The following WASF2 variants were observed in gnomAD, a reference collection of about 807,000 sequenced individuals.
The protein encoded by WASF2 is actin-binding protein WASF2.
Under a neutral mutation model 45.0 loss-of-function variants are expected in WASF2, and 14 were observed. The ratio of observed to expected loss-of-function variants is 0.31; its 90% CI spans 0.21 to 0.49. WASF2 has a LOEUF of 0.49. Ranked by LOEUF, WASF2 falls within the 20% of genes least tolerant of loss-of-function variation. WASF2 has a pLI of 0.99. For synonymous variants in WASF2, 200 were observed against 236.3 expected, an observed-to-expected ratio of 0.85 and a Z score of 1.41; for missense variants, 439 against 636.1, an observed-to-expected ratio of 0.69 and a Z score of 3.33.
intron 1 of WASF2, among the ~76,000 whole-genome samples, chr1:27,486,177 C>T (rs77744356): frequency 0.011 from 1,628 of 152,262 alleles, 27 homozygotes; most frequent in African/African-American, 0.035. Flanking sequence ...TATGAACATC[C>T]AGACATTTTA....
chr1:27,489,453 T>TACAC lies in WASF2; in HGVS notation c.-44+529_-44+532dup, dbSNP rs371077805. Among the ~76,000 whole-genome samples, 46 of 17,402 alleles carry TACAC rather than the reference T, an allele frequency of 2.6e-3. 5 individuals are homozygous for TACAC. The highest frequency in any genetic ancestry group is 6.8e-3 in the African/African-American group (20 of 2,934). The allele number at this position is 17,402 out of a possible 152,430, so 11.4% of individuals were successfully genotyped here. A position where few individuals can be genotyped will look rare whatever the true frequency, so the allele number is the denominator to read the frequency against. On this transcript the variant is annotated intron_variant, in intron 1 of 8. Transcript: ENST00000618852. ...AGCACCTCAATTACTTCATGGTACG[T>TACAC]ACACACACACACACACACACACACA... is the stretch of plus-strand genomic sequence containing the variant.
At chr1:27,467,772 C>G (rs982695527) in intron 1 of WASF2, among the ~76,000 whole-genome samples, 1 of 150,936 alleles carries the variant, frequency 6.6e-6, no homozygotes, top group Admixed American at 6.6e-5. Context: ...ACTAGCCAGG[C>G]GTGGTGGCAC....
intron 1 of WASF2, among the ~76,000 whole-genome samples, chr1:27,474,393 C>G (rs1571163013): frequency 6.6e-6 from 1 of 151,976 alleles, no homozygotes; most frequent in African/African-American, 2.4e-5. Context: ...TCTCAGCACT[C>G]TGGGAGGCTG....
In WASF2 at chr1:27,414,221, C is replaced by T. The variant is rs527673936; in HGVS notation, c.668+612G>A. On this transcript the variant is annotated intron_variant, in intron 6 of 8. Transcript: ENST00000618852. This position sits in a 1 kb window ranked among gnomAD's most constrained non-coding sequence, Gnocchi z 4.1. ...AAGCTTTAAAACCATCTTTTTCCCC[C>T]TTTAAACCTCCAGTGTGATTTGGTA... Among the ~76,000 whole-genome samples, 1 of 152,316 alleles carries T rather than the reference C, an allele frequency of 6.6e-6. No individual in the cohort carries two copies. The highest frequency in any genetic ancestry group is 2.1e-4 in the South Asian group (1 of 4,828).
chr1:27,427,880 A>G (rs1252346234), intron 2 of WASF2, among the ~76,000 whole-genome samples: 1 of 152,160 alleles, frequency 6.6e-6, no homozygotes, highest in African/African-American at 2.4e-5. Context: ...TGGGAGCTGG[A>G]GTGGCACTAG....
intron 1 of WASF2, among the ~76,000 whole-genome samples, chr1:27,442,110 TA>T (rs151067960): frequency 0.014 from 1,959 of 144,428 alleles, 23 homozygotes; most frequent in Non-Finnish European, 0.022. Context: ...ACTTCATCTC[TA>T]AAAAAAAAAT....
chr1:27,458,801 T>A (rs966420905), intron 1 of WASF2, among the ~76,000 whole-genome samples: 1 of 150,746 alleles, frequency 6.6e-6, no homozygotes, highest in African/African-American at 2.4e-5. Flanking sequence ...TCAAAAAAAA[T>A]AAAAAATTAA....
At chr1:27,461,555 C>T (rs951826578) in intron 1 of WASF2, among the ~76,000 whole-genome samples, 6 of 151,736 alleles carry the variant, frequency 4.0e-5, no homozygotes, top group Admixed American at 6.6e-5. Flanking sequence ...CTCCGCCTCC[C>T]GGGCTCACTC....
At chr1:27,479,434 T>G (rs1009872518) in intron 1 of WASF2, among the ~76,000 whole-genome samples, 2 of 152,198 alleles carry the variant, frequency 1.3e-5, no homozygotes, top group African/African-American at 4.8e-5. Context: ...TTTTATTATT[T>G]AAAAATTCCA....
chr1:27,487,581 T>A (rs1162258868), intron 1 of WASF2, among the ~76,000 whole-genome samples: 1 of 98,632 alleles, frequency 1.0e-5, no homozygotes, highest in Non-Finnish European at 1.8e-5. Flanking sequence ...TAATATATAT[T>A]ATATATATTT....
intron 1 of WASF2, among the ~76,000 whole-genome samples, chr1:27,488,745 CATTTGTA>C (rs1557627294): frequency 6.6e-6 from 1 of 152,208 alleles, no homozygotes; most frequent in Non-Finnish European, 1.5e-5. Context: ...CCTCTGCCCC[CATTTGTA>C]ACAAGGCAAA....
intron 1 of WASF2, among the ~76,000 whole-genome samples, chr1:27,463,622 C>CAAA (rs998488815): frequency 6.0e-4 from 25 of 41,806 alleles, no homozygotes; most frequent in African/African-American, 1.3e-3. Context: ...GACTCTGTCT[C>CAAA]AAAAAAAAAA....
At position 27,477,856 on chromosome 1, in the gene WASF2, G is replaced by A. The variant is rs1290962517; in HGVS notation, c.-44+12130C>T. 5.1e-5 allele frequency among the ~76,000 whole-genome samples: 5 copies of A among 97,476 alleles called. 1 individual carries two copies. Among genetic ancestry groups the A allele is most frequent in the East Asian group, 4.7e-4 (1 of 2,110 alleles). 63.9% of individuals were successfully genotyped at this position (97,476 alleles called of 152,430 possible). On this transcript the variant is annotated intron_variant, in intron 1 of 8. Coordinates refer to ENST00000618852, the MANE Select transcript of WASF2 (RefSeq NM_006990.5). ...GGAGCTTGCAGTGAGCCGAGATCCC[G>A]CCACTGCACTCCAGCCTGGGCTACA...
chr1:27,432,118 CAAG>C (rs551737056), intron 1 of WASF2, among the ~76,000 whole-genome samples: 11 of 152,006 alleles, frequency 7.2e-5, no homozygotes, highest in Admixed American at 2.6e-4. Context: ...GTAACTTGAC[CAAG>C]AAGAAAAAAA....
At chr1:27,466,980 C>G in intron 1 of WASF2, among the ~76,000 whole-genome samples, 1 of 151,254 alleles carries the variant, frequency 6.6e-6, no homozygotes, top group South Asian at 2.1e-4. Context: ...TTTGGGAGAC[C>G]GGGGCAGGCA....
intron 2 of WASF2, among the ~76,000 whole-genome samples, chr1:27,420,454 C>T (rs2016890397): frequency 6.6e-6 from 1 of 151,272 alleles, no homozygotes; most frequent in African/African-American, 2.4e-5. Flanking sequence ...CATTCCAAGC[C>T]ACAGGCACAT....
At chr1:27,430,931 T>C (rs1018395616) in intron 1 of WASF2, among the ~76,000 whole-genome samples, 2 of 152,074 alleles carry the variant, frequency 1.3e-5, no homozygotes, top group African/African-American at 2.4e-5. Context: ...TACAGACATA[T>C]TGTCTGACCA....
chr1:27,409,674 C>T lies in WASF2; in HGVS notation c.1339+18G>A, dbSNP rs780872581. The T allele has an allele frequency of 6.7e-7, 1 of 1,489,994 alleles. No homozygotes were observed. Among genetic ancestry groups the T allele is most frequent in the Non-Finnish European group, 8.9e-7 (1 of 1,119,170 alleles). The allele number at this position is 1,489,994 out of a possible 1,614,324, so 92.3% of individuals were successfully genotyped here. On this transcript the variant is annotated intron_variant, in intron 8 of 8. Coordinates refer to ENST00000618852, the MANE Select transcript of WASF2 (RefSeq NM_006990.5). The stretch of plus-strand genomic sequence containing the variant: ...AAAGACAAGGCTCCACAGTCCCAAA[C>T]CCACCATTGAAATTTACCTTGACGG...
At chr1:27,463,622 C>CAA (rs998488815) in intron 1 of WASF2, among the ~76,000 whole-genome samples, 501 of 40,866 alleles carry the variant, frequency 0.012, 11 homozygotes, top group African/African-American at 0.034. Context: ...GACTCTGTCT[C>CAA]AAAAAAAAAA....
Sources: gnomAD v4.1 joint callset for allele counts (sites outside exome capture counted in the v4.1 genomes callset) on GRCh38, gnomAD v4.1.1 for gene constraint, Gnocchi (gnomAD v3.1) non-coding constraint, MANE v1.5 for transcripts, NCBI Gene and HGNC (gene_info 2026-07-23, HGNC 2026-07-21) for gene names.